Variants in ADRM1 observed in about 807,000 individuals in gnomAD.
ADRM1 encodes proteasomal ubiquitin receptor ADRM1.
A neutral mutation model predicts 40.1 loss-of-function variants in ADRM1; 2 were observed. The ratio of observed to expected loss-of-function variants is 0.05; its 90% CI spans 0.02 to 0.16. The LOEUF is 0.16. Among genes scored for constraint, ADRM1 ranks in the 10% least tolerant of loss-of-function variants. The probability of loss-of-function intolerance (pLI) is 1.00; values close to 1 mark genes in which losing one functional copy is unlikely to be tolerated. For missense variants in ADRM1, 467 were observed against 552.5 expected (o/e 0.85, Z 1.55); for synonymous variants, 287 against 240.4 (o/e 1.19, Z -1.79).
chr20:62,305,039 C>A (rs1020772822), intron 3 of ADRM1, among the ~76,000 whole-genome samples: 30 of 152,238 alleles, frequency 2.0e-4, no homozygotes, highest in Admixed American at 1.9e-3. Flanking sequence ...GTTTCTCTTA[C>A]CCACAGCTGC....
chr20:62,303,825 G>A, intron 2 of ADRM1, 44 bp downstream of exon 2: 1 of 1,583,208 alleles, frequency 6.3e-7, no homozygotes. Flanking sequence ...CGACTTCTCG[G>A]GCCCTCGGAG....
chr20:62,308,061 C>T lies in ADRM1; in HGVS notation c.897C>T (p.Pro299=), dbSNP rs750224175. ...ASVLTPEIMA[P]ILANADVQER... is the part of the protein sequence containing the mutation. ...TGCTGACGCCGGAGATAATGGCTCC[C>T]ATCCTCGCCAACGCGGATGTCCAGG... The change falls in exon 8 of 10, where the codon CCC becomes CCT. Residue 299 remains proline (P), a synonymous_variant. Coordinates refer to ENST00000253003, the MANE Select transcript of ADRM1 (RefSeq NM_007002.4). 1.9e-6 allele frequency: 3 copies of T among 1,611,732 alleles called. No individual in the cohort carries two copies. The highest frequency in any genetic ancestry group is 1.3e-5 in the African/African-American group (1 of 75,054).
In ADRM1 at chr20:62,307,563, T is replaced by C. The variant is rs114840079; in HGVS notation, c.624-33T>C. ...CGAGTAGGCCCTGCCGTGTGGGGCGTGTCCGCTCCAGCGGTGCCCTCTCTC... is the reference window on the plus strand; with the variant it reads ...CGAGTAGGCCCTGCCGTGTGGGGCGCGTCCGCTCCAGCGGTGCCCTCTCTC... On this transcript the variant is annotated intron_variant, in intron 6 of 9. Transcript: ENST00000253003. 4,142 of 1,603,654 alleles carry C rather than the reference T, an allele frequency of 2.6e-3. 104 individuals carry two copies. The African/African-American group carries it at 0.046, about 18-fold the overall frequency.
At position 62,308,636 on chromosome 20, in the gene ADRM1, T is replaced by G; in HGVS notation, c.1118-19T>G. 1 of 1,612,698 alleles carries G rather than the reference T, an allele frequency of 6.2e-7. No homozygotes were observed. Among genetic ancestry groups the G allele is most frequent in the South Asian group, 1.1e-5 (1 of 91,042 alleles). ...TGGGCAAGGGTTAGACACCACCTTG[T>G]GTCTTTAACGTGTTCTAGATGTGGA... is the stretch of plus-strand genomic sequence containing the variant. On this transcript the variant is annotated intron_variant, in intron 9 of 9. Coordinates refer to ENST00000253003, the MANE Select transcript of ADRM1 (RefSeq NM_007002.4).
chr20:62,306,626 C>A lies in ADRM1; in HGVS notation c.455-22C>A, dbSNP rs771262766. On this transcript the variant is annotated intron_variant, in intron 4 of 9. Coordinates refer to ENST00000253003, the MANE Select transcript of ADRM1 (RefSeq NM_007002.4). ...CGTGGATCTGGCTGGGGCAGGCCCG[C>A]CTGAGCTGCAGTGTTTTCCAGGTGA... The A allele has an allele frequency of 4.4e-6, 7 of 1,592,046 alleles. No individual in the cohort carries two copies. In the South Asian group the frequency reaches 7.9e-5, roughly 18 times the overall value.
In ADRM1 at chr20:62,308,339, G is replaced by A. The variant is rs745601273; in HGVS notation, c.1015-29G>A. The stretch of plus-strand genomic sequence containing the variant: ...GCTCTGGGGTGCAGCCCGGGTTGGA[G>A]CTCAGCCCTCGCCTGGCTCTTCTTG... On this transcript the variant is annotated intron_variant, in intron 8 of 9. Coordinates refer to ENST00000253003, the MANE Select transcript of ADRM1 (RefSeq NM_007002.4). 3.2e-6 allele frequency: 5 copies of A among 1,573,844 alleles called. No homozygotes were observed. In the East Asian group the frequency reaches 9.2e-5, roughly 29 times the overall value.
At position 62,303,918 on chromosome 20, in the gene ADRM1, G is replaced by C. The variant is rs1025213030; in HGVS notation, c.213+137G>C. The C allele has an allele frequency of 3.7e-6, 3 of 803,816 alleles. No individual in the cohort carries two copies. In the African/African-American group the frequency reaches 5.2e-5, roughly 14 times the overall value. 49.8% of individuals were successfully genotyped at this position (803,816 alleles called of 1,614,324 possible). Reference sequence around the variant, plus strand: ...CCGTCATCGACTGCCCTGCTGATGGGTCGTCCTGGTTTCCGCGGTGACAGG... The same window carrying C: ...CCGTCATCGACTGCCCTGCTGATGGCTCGTCCTGGTTTCCGCGGTGACAGG... On this transcript the variant is annotated intron_variant, in intron 2 of 9. Coordinates refer to ENST00000253003, the MANE Select transcript of ADRM1 (RefSeq NM_007002.4).
rs756882859 is a variant in ADRM1, at chr20:62,306,475, C to T, written c.454+155C>T. 8 of 1,350,896 alleles carry T rather than the reference C, an allele frequency of 5.9e-6. No individual in the cohort carries two copies. In the African/African-American group the frequency reaches 1.0e-4, roughly 17 times the overall value. 83.7% of individuals were successfully genotyped at this position (1,350,896 alleles called of 1,614,324 possible). The stretch of plus-strand genomic sequence containing the variant: ...GAGCTCCCTGGGTCACTCCCCACTC[C>T]CACCTTCACGGGGTAGGACGGGTCT... On this transcript the variant is annotated intron_variant, in intron 4 of 9. Transcript: ENST00000253003.
chr20:62,304,969 C>G (rs1055209948), intron 3 of ADRM1, among the ~76,000 whole-genome samples: 2 of 152,268 alleles, frequency 1.3e-5, no homozygotes, highest in African/African-American at 2.4e-5. Flanking sequence ...CTCACACTTT[C>G]CACAGTCCTG....
intron 6 of ADRM1, 45 bp downstream of exon 6, chr20:62,307,497 G>A (rs1172744685): frequency 3.1e-6 from 5 of 1,601,892 alleles, no homozygotes; most frequent in African/African-American, 1.3e-5. Flanking sequence ...GGTGTTAAGG[G>A]AGGGGCAGTG....
intron 3 of ADRM1, 25 bp downstream of exon 3, chr20:62,304,602 G>A: frequency 6.2e-7 from 1 of 1,606,892 alleles, no homozygotes; most frequent in Non-Finnish European, 8.5e-7. Context: ...TTGGGGTTGT[G>A]CCTTTTTGTT....
Position 62,308,714 on chromosome 20 carries a change from G to A in ADRM1, c.1177G>A (p.Asp393Asn), listed in dbSNP as rs775536014. The change falls in exon 10 of 10, where the codon GAC becomes AAC. Residue 393 changes from aspartate (D) to asparagine (N), a missense_variant. Asp to Asn is a conservative substitution (Grantham distance 23, BLOSUM62 1). Transcript: ENST00000253003. ...CGCCAAGCCCGAGCAGAAAGAGGGC[G>A]ACACGAAGGACAAGAAGGACGAAGA... ...NNAKPEQKEG[D>N]TKDKKDEEED... is the part of the protein sequence containing the mutation. 3.5e-5 allele frequency: 56 copies of A among 1,607,690 alleles called. No homozygotes were observed. The highest frequency in any genetic ancestry group is 4.5e-5 in the East Asian group (2 of 44,890).
intron 3 of ADRM1, chr20:62,305,930 C>A (rs148265054): frequency 1.6e-3 from 701 of 447,914 alleles, no homozygotes; most frequent in Non-Finnish European, 2.4e-3. Flanking sequence ...GAGCTCTAGG[C>A]TCCCCATTTG....
intron 1 of ADRM1, 192 bp from the exon 2 acceptor site, chr20:62,303,376 C>A: frequency 1.7e-6 from 1 of 578,630 alleles, no homozygotes; most frequent in South Asian, 2.1e-5. Flanking sequence ...GCTGCCCCGG[C>A]CCAGCGCCGA....
At chr20:62,307,341 C>G in intron 5 of ADRM1, 30 bp from the exon 6 acceptor site, 1 of 1,590,860 alleles carries the variant, frequency 6.3e-7, no homozygotes, top group South Asian at 1.1e-5. Context: ...TAGAGGGCAT[C>G]CTGAGCTCGC....
At chr20:62,306,539 T>C in intron 4 of ADRM1, 109 bp from the exon 5 acceptor site, 10 of 1,297,988 alleles carry the variant, frequency 7.7e-6, no homozygotes, top group Non-Finnish European at 9.7e-6. Flanking sequence ...GTGCCCCCTG[T>C]AGGGTTCAGG....
In ADRM1 at chr20:62,308,573, C is replaced by T. The variant is rs963958660; in HGVS notation, c.1118-82C>T. The T allele has an allele frequency of 5.7e-6, 9 of 1,571,076 alleles. No homozygotes were observed. In the African/African-American group the frequency reaches 8.1e-5, roughly 14 times the overall value. Reference sequence around the variant, plus strand: ...GGGCTGAGGGGGTAAAGGTCACAGCCCTTCTGCCCTTGATCCCATCGCTTT... The same window carrying T: ...GGGCTGAGGGGGTAAAGGTCACAGCTCTTCTGCCCTTGATCCCATCGCTTT... On this transcript the variant is annotated intron_variant, in intron 9 of 9. Coordinates refer to ENST00000253003, the MANE Select transcript of ADRM1 (RefSeq NM_007002.4).
chr20:62,304,133 A>C, intron 2 of ADRM1: 1 of 475,668 alleles, frequency 2.1e-6, no homozygotes, highest in Non-Finnish European at 3.8e-6. Flanking sequence ...TTTGTTTTTC[A>C]AACTCTTAGT....
intron 3 of ADRM1, chr20:62,305,406 G>C (rs757265890): frequency 3.9e-5 from 6 of 152,244 alleles, no homozygotes; most frequent in Non-Finnish European, 7.3e-5. Flanking sequence ...AGTGTGCAGC[G>C]GCCTGAGAAA....
Sources: allele counts gnomAD v4.1 joint callset (sites outside exome capture counted in the v4.1 genomes callset), GRCh38; gene constraint gnomAD v4.1.1; transcripts MANE v1.5; gene names NCBI Gene and HGNC (gene_info 2026-07-23, HGNC 2026-07-21).